DPY19L4: variants seen among roughly 807,000 people sequenced by gnomAD.
DPY19L4 encodes the protein dpy-19 like 4, also known as probable C-mannosyltransferase DPY19L4.
A neutral mutation model predicts 102.8 loss-of-function variants in DPY19L4; 97 were observed. The observed-to-expected ratio is 0.94, with a 90% CI of 0.80 to 1.12. DPY19L4 has a LOEUF of 1.12. Among genes scored for constraint, DPY19L4 ranks in the 50% most tolerant of loss-of-function variants. The pLI, the probability that DPY19L4 is intolerant of heterozygous loss-of-function variation, is 0.00. For synonymous variants in DPY19L4, 252 were observed against 283.1 expected (o/e 0.89, Z 1.10); for missense variants, 815 against 850.4 (o/e 0.96, Z 0.52).
At position 94,791,505 on chromosome 8, in the gene DPY19L4, T is replaced by G. The variant is rs1813885948; in HGVS notation, c.*1595T>G. 1.3e-5 allele frequency: 2 copies of G among 152,188 alleles called. No homozygotes were observed. Among genetic ancestry groups the G allele is most frequent in the East Asian group, 3.8e-4 (2 of 5,196 alleles). The allele number at this position is 152,188 out of a possible 1,614,324, so 9.4% of individuals were successfully genotyped here. On this transcript the variant is annotated 3_prime_UTR_variant, in exon 19 of 19. Coordinates refer to ENST00000414645, the MANE Select transcript of DPY19L4 (RefSeq NM_181787.3). ...CAGGCAGTGTACCTCAGGTTGACTCTGTACATCTGAATAGTGAGTCACTAG... is the reference window on the plus strand; with the variant it reads ...CAGGCAGTGTACCTCAGGTTGACTCGGTACATCTGAATAGTGAGTCACTAG...
intron 3 of DPY19L4, among the ~76,000 whole-genome samples, chr8:94,738,143 C>G (rs1369755626): frequency 1.3e-5 from 2 of 151,746 alleles, no homozygotes; most frequent in Non-Finnish European, 2.9e-5. Context: ...ACGGTGAAAC[C>G]CCATCTCTAC....
At chr8:94,789,139 T>A (rs1425684605) in intron 18 of DPY19L4, among the ~76,000 whole-genome samples, 8 of 152,224 alleles carry the variant, frequency 5.3e-5, no homozygotes, top group Non-Finnish European at 1.0e-4. Context: ...TACCCACTTT[T>A]CTGCTGTTTT....
Position 94,787,934 on chromosome 8 carries a change from A to AT in DPY19L4, c.1890dup (p.Lys631Ter). ...TCAAAGCGATCTGCTGAGGATATTT[A>AT]TAAAATACTGACATCTTACAAAGCT... On this transcript the variant is annotated frameshift_variant, in exon 18 of 19. Transcript: ENST00000414645. LOFTEE classifies it high-confidence loss of function. The AT allele has an allele frequency of 6.8e-7, 1 of 1,477,104 alleles. No individual in the cohort carries two copies. The highest frequency in any genetic ancestry group is 9.0e-7 in the Non-Finnish European group (1 of 1,111,044). 91.5% of individuals were successfully genotyped at this position (1,477,104 alleles called of 1,614,324 possible).
chr8:94,760,055 T>C (rs944366326), intron 7 of DPY19L4, among the ~76,000 whole-genome samples: 4 of 152,154 alleles, frequency 2.6e-5, no homozygotes, highest in African/African-American at 9.7e-5. Context: ...AAGGTCAGGG[T>C]AGGCAAGACT....
At chr8:94,758,123 G>A (rs1228036083) in intron 7 of DPY19L4, among the ~76,000 whole-genome samples, 1 of 151,822 alleles carries the variant, frequency 6.6e-6, no homozygotes, top group African/African-American at 2.4e-5. Flanking sequence ...AAAAAAAATA[G>A]AGTTTGGTAT....
chr8:94,738,690 A>G (rs983301955), intron 4 of DPY19L4, among the ~76,000 whole-genome samples: 5 of 150,984 alleles, frequency 3.3e-5, no homozygotes, highest in Non-Finnish European at 7.4e-5. Flanking sequence ...ATTTTTGTAT[A>G]CTTAGTAGAG....
intron 6 of DPY19L4, chr8:94,744,397 A>G (rs1312526403): frequency 4.4e-6 from 2 of 456,736 alleles, no homozygotes; most frequent in East Asian, 6.9e-5. Context: ...CCAAGAGAGT[A>G]TGAGAGAGTG....
chr8:94,757,209 G>A (rs1015023932), intron 7 of DPY19L4, among the ~76,000 whole-genome samples: 10 of 152,032 alleles, frequency 6.6e-5, no homozygotes. Flanking sequence ...GCACTTATGG[G>A]TCCTTTATAA....
chr8:94,766,533 TGTCTCTA>T, intron 10 of DPY19L4, 72 bp from the exon 11 acceptor site: 1 of 1,323,480 alleles, frequency 7.6e-7, no homozygotes, highest in Non-Finnish European at 1.1e-6. Context: ...TTGTGTTTTC[TGTCTCTA>T]GTATTGGGGA....
intron 9 of DPY19L4, among the ~76,000 whole-genome samples, 171 bp downstream of exon 9, chr8:94,765,485 G>A (rs547371900): frequency 1.7e-4 from 26 of 151,980 alleles, no homozygotes; most frequent in Admixed American, 8.5e-4. Flanking sequence ...ACAAGCATGC[G>A]CCACCACACC....
intron 6 of DPY19L4, among the ~76,000 whole-genome samples, chr8:94,748,910 G>A (rs935794367): frequency 2.0e-5 from 3 of 152,132 alleles, no homozygotes; most frequent in African/African-American, 7.2e-5. Flanking sequence ...TCACACTGCT[G>A]ATAAAGAAAT....
intron 8 of DPY19L4, among the ~76,000 whole-genome samples, chr8:94,764,457 T>C (rs1812540086): frequency 6.7e-6 from 1 of 149,924 alleles, no homozygotes; most frequent in African/African-American, 2.5e-5. Flanking sequence ...ACACCTGTAG[T>C]CCCAGCTACT....
Position 94,752,570 on chromosome 8 carries a change from A to C in DPY19L4, c.612-3466A>C, listed in dbSNP as rs1270260775. On this transcript the variant is annotated intron_variant, in intron 6 of 18. Coordinates refer to ENST00000414645, the MANE Select transcript of DPY19L4 (RefSeq NM_181787.3). ...CACTGCACTCCAGCCTGGGTGACAGAGTGAGACTCCATCTCAAAAAAAAAA... is the reference window on the plus strand; with the variant it reads ...CACTGCACTCCAGCCTGGGTGACAGCGTGAGACTCCATCTCAAAAAAAAAA... 1.7e-5 allele frequency among the ~76,000 whole-genome samples: 2 copies of C among 117,558 alleles called. 1 individual carries two copies. The highest frequency in any genetic ancestry group is 3.4e-5 in the Non-Finnish European group (2 of 58,874). The allele number at this position is 117,558 out of a possible 152,430, so 77.1% of individuals were successfully genotyped here. A position where few individuals can be genotyped will look rare whatever the true frequency, so the allele number is the denominator to read the frequency against.
chr8:94,742,063 A>G (rs28750318), intron 6 of DPY19L4, among the ~76,000 whole-genome samples: 69,830 of 152,120 alleles, frequency 0.46, 18,203 homozygotes, highest in African/African-American at 0.73. Context: ...GGTTTAGAAA[A>G]TCTTATATTT....
intron 13 of DPY19L4, among the ~76,000 whole-genome samples, chr8:94,772,114 T>C (rs1812963140): frequency 6.6e-6 from 1 of 152,222 alleles, no homozygotes; most frequent in Non-Finnish European, 1.5e-5. Context: ...CCTGCTTCTA[T>C]AGAAAATCAT....
At position 94,739,823 on chromosome 8, in the gene DPY19L4, C is replaced by CT; in HGVS notation, c.611+38dup. The CT allele has an allele frequency of 3.7e-6, 6 of 1,607,430 alleles. 1 individual carries two copies. Among genetic ancestry groups the CT allele is most frequent in the Non-Finnish European group, 5.1e-6 (6 of 1,179,050 alleles). On this transcript the variant is annotated intron_variant, in intron 6 of 18. Coordinates refer to ENST00000414645, the MANE Select transcript of DPY19L4 (RefSeq NM_181787.3). ...AGCTGTTTTAATTGATTTTTAAAAA[C>CT]TTTTTGTGGCTGTAGTAGTCAGAGT...
intron 8 of DPY19L4, among the ~76,000 whole-genome samples, chr8:94,762,474 C>T (rs1375320337): frequency 1.3e-5 from 2 of 152,160 alleles, no homozygotes; most frequent in African/African-American, 4.8e-5. Flanking sequence ...AGGGAACCAA[C>T]AGGAAAAGCA....
chr8:94,757,014 C>A (rs1047612034), intron 7 of DPY19L4, among the ~76,000 whole-genome samples: 13 of 152,006 alleles, frequency 8.6e-5, no homozygotes, highest in African/African-American at 3.1e-4. Flanking sequence ...GACAGAGAGA[C>A]CCTGTCTCCA....
At chr8:94,763,524 T>C (rs1287253648) in intron 8 of DPY19L4, among the ~76,000 whole-genome samples, 2 of 147,246 alleles carry the variant, frequency 1.4e-5, no homozygotes, top group Admixed American at 6.8e-5. Context: ...TTTTCTTTTT[T>C]TTTTTTCTTT....
Sources: allele counts gnomAD v4.1 joint callset (sites outside exome capture counted in the v4.1 genomes callset), GRCh38; gene constraint gnomAD v4.1.1; transcripts MANE v1.5; gene names NCBI Gene and HGNC (gene_info 2026-07-23, HGNC 2026-07-21).